HEATR4: variants seen among roughly 807,000 people sequenced by gnomAD.
The protein encoded by HEATR4 is HEAT repeat-containing protein 4.
A neutral mutation model predicts 108.8 loss-of-function variants in HEATR4; 95 were observed. The ratio of observed to expected loss-of-function variants is 0.87; its 90% CI spans 0.74 to 1.04. The LOEUF (loss-of-function observed/expected upper bound fraction) is 1.04, where lower values mean the gene tolerates loss of function less well. Among genes scored for constraint, HEATR4 ranks in the 50% least tolerant of loss-of-function variants. HEATR4 has a pLI of 0.00. For synonymous variants in HEATR4, 443 were observed against 459.4 expected (o/e 0.96, Z 0.46); for missense variants, 1,152 against 1,253.8 (o/e 0.92, Z 1.23).
At chr14:73,531,420 C>T (rs1168155924) in intron 1 of HEATR4, among the ~76,000 whole-genome samples, 3 of 106,120 alleles carry the variant, frequency 2.8e-5, no homozygotes, top group African/African-American at 6.1e-5. Context: ...TGGAGTTTTT[C>T]GTCTTTTTTT....
At chr14:73,482,239 A>T (rs1359018535) in intron 17 of HEATR4, among the ~76,000 whole-genome samples, 1 of 152,022 alleles carries the variant, frequency 6.6e-6, no homozygotes, top group Non-Finnish European at 1.5e-5. Context: ...TACAAAAATT[A>T]GGCCGGGCAC....
At chr14:73,484,839 CACACACACACACACACACACACAT>C (rs1885391012) in intron 17 of HEATR4, among the ~76,000 whole-genome samples, 1 of 151,130 alleles carries the variant, frequency 6.6e-6, no homozygotes, top group African/African-American at 2.4e-5. Context: ...CACAGACACA[CACACACACACACACACACACACAT>C]ATATGGTTTT....
At chr14:73,608,274 A>G in the HEATR4 span, among the ~76,000 whole-genome samples, 2 of 152,186 alleles carry the variant, frequency 1.3e-5, no homozygotes, top group African/African-American at 2.4e-5. Context: ...CCAAACTTTT[A>G]TGCTCTGCTT....
chr14:73,501,727 AC>A (rs1417192099), intron 11 of HEATR4, among the ~76,000 whole-genome samples: 1 of 151,388 alleles, frequency 6.6e-6, no homozygotes, highest in Non-Finnish European at 1.5e-5. Context: ...GGCATACACC[AC>A]CACACTGGCT....
rs112605892 is a variant in HEATR4, at chr14:73,541,692, T to C, written c.-151-11448A>G. 18 of 1,243,102 alleles carry C rather than the reference T, an allele frequency of 1.4e-5. 5 individuals carry two copies. Among genetic ancestry groups the C allele is most frequent in the East Asian group, 1.5e-4 (2 of 12,946 alleles). 77.0% of individuals were successfully genotyped at this position (1,243,102 alleles called of 1,614,324 possible). On this transcript the variant is annotated intron_variant, in intron 1 of 17. Coordinates refer to ENST00000553558, the MANE Select transcript of HEATR4 (RefSeq NM_001220484.1). Reference sequence around the variant, plus strand: ...CTGTGAACTACTTGCTCAGTCATCCTGAGGTGAGTTCTTCTCTCAGATTTA... The same window carrying C: ...CTGTGAACTACTTGCTCAGTCATCCCGAGGTGAGTTCTTCTCTCAGATTTA...
chr14:73,505,540 G>A (rs1789177837), intron 10 of HEATR4, among the ~76,000 whole-genome samples: 1 of 152,134 alleles, frequency 6.6e-6, no homozygotes, highest in African/African-American at 2.4e-5. Context: ...AGGATTACAG[G>A]TGCCAGCCAC....
At chr14:73,609,970 C>CTT in the HEATR4 span, among the ~76,000 whole-genome samples, 1 of 146,366 alleles carries the variant, frequency 6.8e-6, no homozygotes, top group Non-Finnish European at 1.5e-5. Context: ...TTCCTCTACC[C>CTT]TTTTTTTTTT....
At chr14:73,518,554 T>A (rs1887774036) in intron 5 of HEATR4, among the ~76,000 whole-genome samples, 1 of 152,210 alleles carries the variant, frequency 6.6e-6, no homozygotes, top group South Asian at 2.1e-4. Context: ...AGCTAATTTC[T>A]TGGTCACCTT....
chr14:73,479,185 G>C (rs983651614), intron 17 of HEATR4, among the ~76,000 whole-genome samples: 2 of 151,718 alleles, frequency 1.3e-5, no homozygotes, highest in African/African-American at 4.9e-5. Context: ...GCGCCATCTC[G>C]GCTCACTGCC....
In HEATR4 at chr14:73,532,734, C is replaced by G. The variant is rs943562885; in HGVS notation, c.-151-2490G>C. 4.4e-5 allele frequency among the ~76,000 whole-genome samples: 5 copies of G among 114,830 alleles called. 1 individual carries two copies. Among genetic ancestry groups the G allele is most frequent in the African/African-American group, 1.4e-4 (5 of 35,262 alleles). The allele number at this position is 114,830 out of a possible 152,430, so 75.3% of individuals were successfully genotyped here. A position where few individuals can be genotyped will look rare whatever the true frequency, so the allele number is the denominator to read the frequency against. Reference sequence around the variant, plus strand: ...CTTTGGGAGGCCAAGGTGGGCAGATCACAAGGTCAGGAGATTGAAACCATC... The same window carrying G: ...CTTTGGGAGGCCAAGGTGGGCAGATGACAAGGTCAGGAGATTGAAACCATC... On this transcript the variant is annotated intron_variant, in intron 1 of 17. Coordinates refer to ENST00000553558, the MANE Select transcript of HEATR4 (RefSeq NM_001220484.1).
chr14:73,502,003 C>G (rs772292381), intron 11 of HEATR4, among the ~76,000 whole-genome samples: 5 of 151,840 alleles, frequency 3.3e-5, no homozygotes, highest in Non-Finnish European at 7.4e-5. Context: ...CCTCGGCCTC[C>G]CAAAGTGCTG....
the HEATR4 span, chr14:73,619,915 T>C: frequency 2.8e-6 from 4 of 1,430,504 alleles, no homozygotes; most frequent in Admixed American, 5.2e-5. Flanking sequence ...TTTCTTTCTT[T>C]TCTCTTTTTT....
At chr14:73,592,081 A>T in the HEATR4 span, 1 of 1,487,444 alleles carries the variant, frequency 6.7e-7, no homozygotes, top group Non-Finnish European at 8.9e-7. Context: ...CTGCGCGACG[A>T]GAAGGGCGCG....
the HEATR4 span, among the ~76,000 whole-genome samples, chr14:73,572,650 T>C: frequency 0.022 from 2,772 of 123,232 alleles, 148 homozygotes; most frequent in South Asian, 0.085. Flanking sequence ...TTTTTTTTTT[T>C]TTTTTTTTTT....
rs769113233 is a variant in HEATR4 at position 73,537,784 on chromosome 14, C to T, written c.-151-7540G>A. ...ACCCCGACCCCGGGCGGCTGCTGTG[C>T]CGGGTGCGGCACGAGCGCTACTTCC... On this transcript the variant is annotated intron_variant, in intron 1 of 17. Transcript: ENST00000553558. The T allele has an allele frequency of 4.8e-5, 59 of 1,229,126 alleles. 15 individuals are homozygous for T. Among genetic ancestry groups the T allele is most frequent in the Non-Finnish European group, 6.2e-5 (58 of 931,906 alleles). 76.1% of individuals were successfully genotyped at this position (1,229,126 alleles called of 1,614,324 possible).
the HEATR4 span, among the ~76,000 whole-genome samples, chr14:73,578,824 T>C: frequency 6.6e-6 from 1 of 151,814 alleles, no homozygotes; most frequent in Non-Finnish European, 1.5e-5. Context: ...CGGTGGCTCA[T>C]GCCTGTAATC....
chr14:73,521,754 G>A (rs907669430), intron 3 of HEATR4, among the ~76,000 whole-genome samples: 1 of 152,152 alleles, frequency 6.6e-6, no homozygotes, highest in Non-Finnish European at 1.5e-5. Context: ...TGACACACTG[G>A]TTCCTTATTC....
At chr14:73,569,829 C>T in the HEATR4 span, 2 of 1,595,812 alleles carry the variant, frequency 1.3e-6, no homozygotes, top group Non-Finnish European at 1.7e-6. Flanking sequence ...GCCCGGGGTG[C>T]GGCGCGAGCC....
chr14:73,515,671 CAAAAAAAAAAAAA>C (rs35601077), intron 5 of HEATR4, among the ~76,000 whole-genome samples: 8 of 33,486 alleles, frequency 2.4e-4, no homozygotes, highest in Non-Finnish European at 3.2e-4. Flanking sequence ...GACTCCATCT[CAAAAAAAAAAAAA>C]AAAAAAAAAA....
Sources: gnomAD v4.1 joint callset for allele counts (sites outside exome capture counted in the v4.1 genomes callset) on GRCh38, gnomAD v4.1.1 for gene constraint, MANE v1.5 for transcripts, NCBI Gene and HGNC (gene_info 2026-07-23, HGNC 2026-07-21) for gene names.